DLGAP1: variants seen among roughly 807,000 people sequenced by gnomAD.
DLGAP1 encodes disks large-associated protein 1.
A neutral mutation model predicts 90.8 loss-of-function variants in DLGAP1; 11 were observed. The observed-to-expected ratio is 0.12, with a 90% CI of 0.08 to 0.20. The LOEUF (loss-of-function observed/expected upper bound fraction) is 0.20. Among genes scored for constraint, DLGAP1 ranks in the 10% least tolerant of loss-of-function variants. DLGAP1 has a pLI of 1.00. For missense variants in DLGAP1, 1,050 were observed against 1,333.8 expected, an observed-to-expected ratio of 0.79 and a Z score of 3.31; for synonymous variants, 558 against 540.7, an observed-to-expected ratio of 1.03 and a Z score of -0.44.
At chr18:3,791,942 G>A (rs1277261176) in intron 5 of DLGAP1, among the ~76,000 whole-genome samples, 2 of 152,098 alleles carry the variant, frequency 1.3e-5, no homozygotes, top group African/African-American at 2.4e-5. Flanking sequence ...AGGCAAATGG[G>A]CAATTCATCA....
intron 1 of DLGAP1, among the ~76,000 whole-genome samples, chr18:4,171,764 T>C (rs1474326252): frequency 2.0e-5 from 3 of 152,160 alleles, no homozygotes; most frequent in Non-Finnish European, 4.4e-5. Flanking sequence ...ACAAATGTCA[T>C]AGAAAAAATA....
At chr18:3,759,995 T>A (rs569966489) in intron 5 of DLGAP1, among the ~76,000 whole-genome samples, 1 of 152,266 alleles carries the variant, frequency 6.6e-6, no homozygotes, top group African/African-American at 2.4e-5. Context: ...CCTGTTCTGG[T>A]CAGAGGCCTA....
chr18:3,789,862 T>C (rs1349712646), intron 5 of DLGAP1, among the ~76,000 whole-genome samples: 1 of 152,138 alleles, frequency 6.6e-6, no homozygotes, highest in African/African-American at 2.4e-5. Flanking sequence ...ATATCTGAAT[T>C]TAGGCACCAT....
chr18:3,622,295 C>T (rs1220429516), intron 7 of DLGAP1, among the ~76,000 whole-genome samples: 1 of 151,870 alleles, frequency 6.6e-6, no homozygotes, highest in East Asian at 1.9e-4. Context: ...TTAGTAGAGA[C>T]GGGGTTTCAC....
intron 4 of DLGAP1, among the ~76,000 whole-genome samples, chr18:3,853,576 T>C (rs1421471898): frequency 6.6e-6 from 1 of 151,648 alleles, no homozygotes; most frequent in Non-Finnish European, 1.5e-5. Context: ...GATGTGTCAG[T>C]AAACTCTATG....
chr18:4,068,440 A>G (rs2075401413), intron 2 of DLGAP1, among the ~76,000 whole-genome samples: 2 of 151,736 alleles, frequency 1.3e-5, no homozygotes, highest in South Asian at 2.1e-4. Context: ...ATTTTTCCAT[A>G]TATTTACATT....
At chr18:3,602,359 G>A (rs1216739834) in intron 7 of DLGAP1, among the ~76,000 whole-genome samples, 2 of 152,130 alleles carry the variant, frequency 1.3e-5, no homozygotes, top group East Asian at 1.9e-4. Context: ...AATTTGGGAG[G>A]CCGAGGCGGG....
intron 1 of DLGAP1, among the ~76,000 whole-genome samples, chr18:4,242,542 G>A (rs2078560892): frequency 6.6e-6 from 1 of 152,122 alleles, no homozygotes; most frequent in Admixed American, 6.5e-5. Flanking sequence ...CTTTCTTTGG[G>A]AAGTGGCAGA....
chr18:3,986,952 A>G (rs903132593), intron 3 of DLGAP1, among the ~76,000 whole-genome samples: 1 of 152,220 alleles, frequency 6.6e-6, no homozygotes, highest in African/African-American at 2.4e-5. Flanking sequence ...TGAAAAGTTA[A>G]TGCTCGACAC....
chr18:4,336,301 T>C (rs35772054), intron 1 of DLGAP1, among the ~76,000 whole-genome samples: 11,841 of 152,296 alleles, frequency 0.078, 505 homozygotes, highest in Non-Finnish European at 0.094. Flanking sequence ...ATGTGGTCCA[T>C]AGAGGTGGAC....
At chr18:3,799,063 G>A (rs534357238) in intron 5 of DLGAP1, among the ~76,000 whole-genome samples, 10 of 152,038 alleles carry the variant, frequency 6.6e-5, no homozygotes, top group South Asian at 4.2e-4. Flanking sequence ...TAGTACAGAC[G>A]GGGGGTTTTC....
At chr18:3,726,719 G>A (rs2062195219) in intron 7 of DLGAP1, among the ~76,000 whole-genome samples, 1 of 152,190 alleles carries the variant, frequency 6.6e-6, no homozygotes, top group South Asian at 2.1e-4. Context: ...TCTGGGTGAA[G>A]TACAGCTGCC....
intron 10 of DLGAP1, among the ~76,000 whole-genome samples, chr18:3,515,919 T>C (rs745968346): frequency 1.9e-4 from 29 of 152,140 alleles, no homozygotes; most frequent in Admixed American, 1.1e-3. Context: ...GTAGATTCCA[T>C]CTCAAGAAAC....
At chr18:3,740,939 CACT>C (rs1288674055) in intron 6 of DLGAP1, among the ~76,000 whole-genome samples, 1 of 147,318 alleles carries the variant, frequency 6.8e-6, no homozygotes, top group Non-Finnish European at 1.5e-5. Flanking sequence ...TCATCACCAC[CACT>C]GCCACCACTG....
chr18:4,243,441 G>T (rs1041262752), intron 1 of DLGAP1, among the ~76,000 whole-genome samples: 8 of 152,072 alleles, frequency 5.3e-5, no homozygotes, highest in Non-Finnish European at 1.0e-4. Context: ...TCCTCCCAAG[G>T]CTCTGCATTT....
In DLGAP1 at chr18:3,497,075, G is replaced by C. The variant is rs572859171; in HGVS notation, c.*2110C>G. ...CAACTCTACCTCAGGGCACGGAGCTGTAATTGTGAGCATGGGTCTTGGGAT... is the reference window on the plus strand; with the variant it reads ...CAACTCTACCTCAGGGCACGGAGCTCTAATTGTGAGCATGGGTCTTGGGAT... On this transcript the variant is annotated 3_prime_UTR_variant, in exon 13 of 13. Coordinates refer to ENST00000315677, the MANE Select transcript of DLGAP1 (RefSeq NM_004746.4). The C allele has an allele frequency of 1.2e-3, 189 of 152,260 alleles. 1 individual carries two copies. The highest frequency in any genetic ancestry group is 4.3e-3 in the African/African-American group (178 of 41,536). The allele number at this position is 152,260 out of a possible 1,614,324, so 9.4% of individuals were successfully genotyped here. A position where few individuals can be genotyped will look rare whatever the true frequency, so the allele number is the denominator to read the frequency against.
rs115487887 is a variant in DLGAP1, at chr18:3,530,586, A to G, written c.2479+3608T>C. Among the ~76,000 whole-genome samples the G allele has an allele frequency of 9.7e-3, 1,482 of 152,234 alleles. 33 individuals carry two copies. The highest frequency in any genetic ancestry group is 0.034 in the African/African-American group (1,416 of 41,546). On this transcript the variant is annotated intron_variant, in intron 10 of 12. Transcript: ENST00000315677. ...AGTTGCTGGCATTTTTCCTAGGAAA[A>G]TCTGATAAACTGTGAGTATGTCCAC...
intron 6 of DLGAP1, among the ~76,000 whole-genome samples, chr18:3,733,312 T>G (rs1167879917): frequency 6.6e-6 from 1 of 152,218 alleles, no homozygotes; most frequent in Admixed American, 6.5e-5. Flanking sequence ...GGTCCATGAC[T>G]TATGATTTTT....
intron 2 of DLGAP1, among the ~76,000 whole-genome samples, chr18:4,135,963 C>CA (rs973491101): frequency 2.6e-5 from 4 of 152,004 alleles, no homozygotes; most frequent in Middle Eastern, 3.4e-3. Flanking sequence ...TGGTGTGCTG[C>CA]ACCCATTAAC....
Sources: gnomAD v4.1 joint callset for allele counts (sites outside exome capture counted in the v4.1 genomes callset) on GRCh38, gnomAD v4.1.1 for gene constraint, MANE v1.5 for transcripts, NCBI Gene and HGNC (gene_info 2026-07-23, HGNC 2026-07-21) for gene names.